KPNA3: variants seen among roughly 807,000 people sequenced by gnomAD.
KPNA3 encodes importin subunit alpha-4.
Under a neutral mutation model 73.8 loss-of-function variants are expected in KPNA3, and 13 were observed. That is an observed-to-expected ratio of 0.18 (90% CI 0.11 to 0.28). The LOEUF is 0.28. KPNA3 is among the 10% of genes least tolerant of loss of function. The probability of loss-of-function intolerance (pLI) is 1.00; values close to 1 mark genes in which losing one functional copy is unlikely to be tolerated. For missense variants in KPNA3, 360 were observed against 618.1 expected (o/e 0.58, Z 4.43); for synonymous variants, 186 against 206.9 (o/e 0.90, Z 0.87).
chr13:49,717,440 G>GAAA (rs61581557), intron 10 of KPNA3, among the ~76,000 whole-genome samples: 1,851 of 126,882 alleles, frequency 0.015, 51 homozygotes, highest in African/African-American at 0.036. Context: ...GGAAAAAAAA[G>GAAA]AAAAAAAAAA....
intron 1 of KPNA3, among the ~76,000 whole-genome samples, chr13:49,791,980 C>T (rs868702473): frequency 6.6e-6 from 1 of 152,214 alleles, no homozygotes; most frequent in Non-Finnish European, 1.5e-5. Flanking sequence ...CCCGGACCGG[C>T]AGAGCCGAGG....
intron 15 of KPNA3, among the ~76,000 whole-genome samples, chr13:49,704,445 ATAAATAAAT>A (rs1168561212): frequency 3.1e-4 from 14 of 44,726 alleles, no homozygotes; most frequent in African/African-American, 9.7e-4. Context: ...AAATAAATAA[ATAAATAAAT>A]AAATAAATAA....
At chr13:49,764,162 C>T (rs1323262353) in intron 1 of KPNA3, among the ~76,000 whole-genome samples, 1 of 43,450 alleles carries the variant, frequency 2.3e-5, no homozygotes, top group East Asian at 6.3e-3. Flanking sequence ...GACAGAATCT[C>T]GCTCTGTTTT....
At chr13:49,750,850 G>C (rs979778931) in intron 1 of KPNA3, among the ~76,000 whole-genome samples, 2 of 152,060 alleles carry the variant, frequency 1.3e-5, no homozygotes, top group African/African-American at 4.8e-5. Flanking sequence ...AAATTAGCTG[G>C]GCATGGTGGC....
intron 1 of KPNA3, among the ~76,000 whole-genome samples, chr13:49,763,254 G>C (rs1954783384): frequency 6.6e-6 from 1 of 152,096 alleles, no homozygotes; most frequent in African/African-American, 2.4e-5. Context: ...TATTAAGTTA[G>C]ACACATAACC....
At chr13:49,781,804 C>T (rs566575027) in intron 1 of KPNA3, among the ~76,000 whole-genome samples, 7 of 152,272 alleles carry the variant, frequency 4.6e-5, no homozygotes, top group Admixed American at 2.0e-4. Context: ...CAAACCAAGA[C>T]AGTTGATCAC....
chr13:49,785,436 T>C (rs1954974297), intron 1 of KPNA3, among the ~76,000 whole-genome samples: 2 of 152,022 alleles, frequency 1.3e-5, no homozygotes. Flanking sequence ...GATGATGCCA[T>C]AAACAGAAAA....
chr13:49,767,589 C>T (rs925854500), intron 1 of KPNA3, among the ~76,000 whole-genome samples: 9 of 151,996 alleles, frequency 5.9e-5, no homozygotes, highest in Admixed American at 1.3e-4. Context: ...AAAAATGTGA[C>T]TCAAATTGCA....
At chr13:49,729,825 T>A (rs1954445305) in intron 6 of KPNA3, among the ~76,000 whole-genome samples, 1 of 152,208 alleles carries the variant, frequency 6.6e-6, no homozygotes, top group Non-Finnish European at 1.5e-5. Context: ...ACATTTATCA[T>A]AAGTTTGACA....
intron 1 of KPNA3, among the ~76,000 whole-genome samples, chr13:49,756,112 A>G (rs1234870938): frequency 2.0e-5 from 3 of 152,204 alleles, no homozygotes; most frequent in Admixed American, 2.0e-4. Flanking sequence ...TACAAAAAAA[A>G]GCAAAAAAAA....
At chr13:49,788,599 G>A (rs1478630325) in intron 1 of KPNA3, among the ~76,000 whole-genome samples, 1 of 152,018 alleles carries the variant, frequency 6.6e-6, no homozygotes, top group Non-Finnish European at 1.5e-5. Context: ...TGTGCCTGTA[G>A]TCCCAGCTAC....
chr13:49,757,249 G>C (rs1954719268), intron 1 of KPNA3, among the ~76,000 whole-genome samples: 1 of 127,604 alleles, frequency 7.8e-6, no homozygotes, highest in Non-Finnish European at 1.7e-5. Context: ...GATAAAAAGA[G>C]AAGCTAGAGA....
Position 49,706,358 on chromosome 13 carries a change from G to A in KPNA3, c.1047C>T (p.Phe349=), listed in dbSNP as rs139187494. 1.9e-6 allele frequency: 3 copies of A among 1,613,624 alleles called. No individual in the cohort carries two copies. The highest frequency in any genetic ancestry group is 2.5e-6 in the Non-Finnish European group (3 of 1,179,628). The change falls in exon 13 of 17, where the codon TTC becomes TTT. Residue 349 remains phenylalanine (F), a synonymous_variant. Transcript: ENST00000261667. The stretch of plus-strand genomic sequence containing the variant: ...GGTTGCCTGCTGTTATGTTGGAAAG[G>A]AACCACACTGCTTCCTATAATTGAA... ...KEKINKEAVW[F]LSNITAGNQQ...
chr13:49,775,390 C>T (rs772196991), intron 1 of KPNA3, among the ~76,000 whole-genome samples: 15 of 151,940 alleles, frequency 9.9e-5, no homozygotes, highest in Non-Finnish European at 1.9e-4. Context: ...CCCAAATCCC[C>T]GGGTGGCCAC....
intron 15 of KPNA3, among the ~76,000 whole-genome samples, chr13:49,703,203 A>C: frequency 2.8e-5 from 1 of 35,834 alleles, no homozygotes. Flanking sequence ...TTTTTTTTTG[A>C]GACGGAGTCT....
chr13:49,724,716 T>C (rs547485793), intron 7 of KPNA3, among the ~76,000 whole-genome samples: 77 of 152,184 alleles, frequency 5.1e-4, no homozygotes, highest in African/African-American at 1.7e-3. Context: ...CTCGCCTCTG[T>C]CTCCTGAGTA....
chr13:49,768,278 CAAA>C (rs35217633), intron 1 of KPNA3, among the ~76,000 whole-genome samples: 5 of 94,820 alleles, frequency 5.3e-5, no homozygotes, highest in African/African-American at 8.6e-5. Flanking sequence ...GACTCTGTCT[CAAA>C]AAAAAAAAAA....
chr13:49,792,337 C>T (rs1198664411), intron 1 of KPNA3, 101 bp downstream of exon 1: 12 of 712,704 alleles, frequency 1.7e-5, no homozygotes, highest in South Asian at 1.4e-4. Flanking sequence ...CTCCGGCCGA[C>T]CACAAGCCGA....
rs376633326 is a variant in KPNA3, at chr13:49,711,174, G to A, written c.772-152C>T. 30 of 593,478 alleles carry A rather than the reference G, an allele frequency of 5.1e-5. 1 individual carries two copies. Among genetic ancestry groups the A allele is most frequent in the East Asian group, 3.4e-4 (11 of 32,604 alleles). The allele number at this position is 593,478 out of a possible 1,614,324, so 36.8% of individuals were successfully genotyped here. On this transcript the variant is annotated intron_variant, in intron 10 of 16. Coordinates refer to ENST00000261667, the MANE Select transcript of KPNA3 (RefSeq NM_002267.4). ...TCTGCTTAGCTGATTAATCTATTAA[G>A]TAGAAAGTACCTTATCTTTCTTTCA... is the stretch of plus-strand genomic sequence containing the variant.
Sources: allele counts gnomAD v4.1 joint callset (sites outside exome capture counted in the v4.1 genomes callset), GRCh38; gene constraint gnomAD v4.1.1; transcripts MANE v1.5; gene names NCBI Gene and HGNC (gene_info 2026-07-23, HGNC 2026-07-21).